Variants in NBEA observed in about 807,000 individuals in gnomAD.
The protein encoded by NBEA is neurobeachin.
In NBEA, 44 loss-of-function variants were observed where a neutral mutation model predicts 343.4. The observed-to-expected ratio is 0.13, with a 90% CI of 0.10 to 0.16. The LOEUF (loss-of-function observed/expected upper bound fraction) is 0.16, where lower values mean the gene tolerates loss of function less well. Ranked by LOEUF, NBEA falls within the 10% of genes least tolerant of loss-of-function variation. The pLI is 1.00. For missense variants in NBEA, 2,555 were observed against 3,631.3 expected (o/e 0.70, Z 7.62); for synonymous variants, 1,175 against 1,238.7 (o/e 0.95, Z 1.08).
chr13:35,190,778 C>G (rs562623135), intron 30 of NBEA, among the ~76,000 whole-genome samples: 2 of 152,192 alleles, frequency 1.3e-5, no homozygotes, highest in Admixed American at 1.3e-4. Context: ...GGGAACAAAG[C>G]AGTTGATATA....
chr13:35,364,535 G>A (rs953250155), intron 38 of NBEA, among the ~76,000 whole-genome samples: 1 of 151,762 alleles, frequency 6.6e-6, no homozygotes, highest in Non-Finnish European at 1.5e-5. Context: ...GTTTTAAAAG[G>A]ATGGGACATT....
chr13:35,427,270 A>T (rs1218748784), intron 38 of NBEA, among the ~76,000 whole-genome samples: 1 of 151,740 alleles, frequency 6.6e-6, no homozygotes, highest in African/African-American at 2.4e-5. Context: ...GGTTTTATCT[A>T]CCTTTGGTCT....
At chr13:35,144,073 G>A (rs1156237781) in intron 18 of NBEA, among the ~76,000 whole-genome samples, 1 of 152,100 alleles carries the variant, frequency 6.6e-6, no homozygotes, top group Admixed American at 6.5e-5. Flanking sequence ...TCAATTATAT[G>A]AAATTCAAAT....
intron 36 of NBEA, among the ~76,000 whole-genome samples, chr13:35,345,790 T>A (rs1435879979): frequency 1.3e-5 from 2 of 151,976 alleles, no homozygotes; most frequent in African/African-American, 2.4e-5. Flanking sequence ...GGATAGGAGA[T>A]CATGATCTGA....
chr13:35,146,500 C>T (rs565855298), intron 18 of NBEA, among the ~76,000 whole-genome samples: 1 of 152,238 alleles, frequency 6.6e-6, no homozygotes, highest in East Asian at 1.9e-4. Context: ...CAGTTATAAC[C>T]ATTATGGCCT....
intron 41 of NBEA, among the ~76,000 whole-genome samples, chr13:35,478,005 T>G (rs1401263950): frequency 6.6e-6 from 1 of 152,176 alleles, no homozygotes; most frequent in African/African-American, 2.4e-5. Flanking sequence ...ATTGTCTACC[T>G]TTAATTTAGA....
rs1232061711 is a variant in NBEA, at chr13:35,315,783, AT to A, written c.5903+6197del. Reference sequence around the variant, plus strand: ...GAGAAGCATATTGCATCCAAGTATAATTTTTTAGTGATTGTATGGCACCAAT... The same window carrying A: ...GAGAAGCATATTGCATCCAAGTATAATTTTTAGTGATTGTATGGCACCAAT... On this transcript the variant is annotated intron_variant, in intron 36 of 58. Transcript: ENST00000379939. Among the ~76,000 whole-genome samples, 5 of 152,184 alleles carry A rather than the reference AT, an allele frequency of 3.3e-5. No individual in the cohort carries two copies. The East Asian group carries it at 9.7e-4, about 29-fold the overall frequency.
At position 35,089,378 on chromosome 13, in the gene NBEA, T is replaced by C. The variant is rs1593307119; in HGVS notation, c.1572-8919T>C. On this transcript the variant is annotated intron_variant, in intron 10 of 58. Transcript: ENST00000379939. ...CAATGAGATACCATCTCACACCAGT[T>C]AGAATGGCAATCATTAAAAAGTCAG... is the stretch of plus-strand genomic sequence containing the variant. Among the ~76,000 whole-genome samples, 4 of 150,110 alleles carry C rather than the reference T, an allele frequency of 2.7e-5. No individual in the cohort carries two copies. The East Asian group carries it at 7.8e-4, about 29-fold the overall frequency.
chr13:35,270,384 G>C (rs1261735390), intron 34 of NBEA, among the ~76,000 whole-genome samples: 4 of 152,212 alleles, frequency 2.6e-5, no homozygotes, highest in African/African-American at 4.8e-5. Flanking sequence ...AGTGGGAAAA[G>C]CTTTGGTCTA....
intron 34 of NBEA, among the ~76,000 whole-genome samples, chr13:35,237,659 G>A (rs1257656224): frequency 1.3e-5 from 2 of 152,142 alleles, no homozygotes; most frequent in African/African-American, 4.8e-5. Context: ...ATGTGTGTGT[G>A]TGGTAGGAAC....
chr13:35,399,174 A>G (rs1406380757), intron 38 of NBEA, among the ~76,000 whole-genome samples: 1 of 152,140 alleles, frequency 6.6e-6, no homozygotes, highest in Non-Finnish European at 1.5e-5. Context: ...GCTCTGGATT[A>G]GGCTTTGGCT....
intron 1 of NBEA, among the ~76,000 whole-genome samples, chr13:34,964,565 G>A (rs1008102732): frequency 1.3e-5 from 2 of 151,826 alleles, no homozygotes; most frequent in South Asian, 4.2e-4. Context: ...ACTTACTAAC[G>A]CACAATTCAA....
chr13:35,264,381 A>G (rs2033481016), intron 34 of NBEA, among the ~76,000 whole-genome samples: 1 of 151,978 alleles, frequency 6.6e-6, no homozygotes, highest in African/African-American at 2.4e-5. Context: ...AGAGGAGGTA[A>G]TATTTCCAAA....
chr13:35,574,531 G>A (rs947209603), intron 45 of NBEA, among the ~76,000 whole-genome samples: 3 of 151,980 alleles, frequency 2.0e-5, no homozygotes, highest in Admixed American at 1.3e-4. Flanking sequence ...AAAGAAATGC[G>A]GTCAGTGAGC....
chr13:35,124,793 CAT>C (rs202058859), intron 17 of NBEA, among the ~76,000 whole-genome samples: 11,112 of 151,182 alleles, frequency 0.074, 900 homozygotes, highest in African/African-American at 0.19. Flanking sequence ...TATATACACA[CAT>C]ATATGGATAT....
At position 35,196,271 on chromosome 13, in the gene NBEA, A is replaced by G. The variant is rs748075146; in HGVS notation, c.5335A>G (p.Ile1779Val). 1 of 1,613,274 alleles carries G rather than the reference A, an allele frequency of 6.2e-7. No individual in the cohort carries two copies. Among genetic ancestry groups the G allele is most frequent in the East Asian group, 2.2e-5 (1 of 44,760 alleles). Residue 1779 changes from isoleucine to valine, a missense_variant, in exon 31 of 59, where the codon ATT becomes GTT. Coordinates refer to ENST00000379939, the MANE Select transcript of NBEA (RefSeq NM_001385012.1). Reference protein sequence around the residue: ...DPALKRETQAILPMQFHSFDR... With the variant: ...DPALKRETQAVLPMQFHSFDR... ...AGCATTGAAGAGAGAAACACAAGCT[A>G]TTCTTCCTATGCAGTTTCATTCCTT...
intron 38 of NBEA, among the ~76,000 whole-genome samples, chr13:35,406,211 T>G (rs1296122308): frequency 6.6e-6 from 1 of 152,138 alleles, no homozygotes; most frequent in African/African-American, 2.4e-5. Flanking sequence ...TTCCTTCATG[T>G]TAATAAAGTG....
intron 52 of NBEA, among the ~76,000 whole-genome samples, chr13:35,651,164 A>G (rs1406935594): frequency 6.6e-6 from 1 of 152,230 alleles, no homozygotes; most frequent in African/African-American, 2.4e-5. Context: ...TATATATTGT[A>G]TAATCACGTG....
Position 34,973,275 on chromosome 13 carries a change from C to G in NBEA, c.294+30161C>G, listed in dbSNP as rs985330583. Among the ~76,000 whole-genome samples, 10 of 152,052 alleles carry G rather than the reference C, an allele frequency of 6.6e-5. No individual in the cohort carries two copies. In the East Asian group the frequency reaches 1.9e-3, roughly 29 times the overall value. ...GCAGGTCTTGCCCAGTCAGGAGGAA[C>G]AGGATTGGAGACCTGCTAAGGAAGC... On this transcript the variant is annotated intron_variant, in intron 1 of 58. Transcript: ENST00000379939.
Sources: gnomAD v4.1 joint callset for allele counts (sites outside exome capture counted in the v4.1 genomes callset) on GRCh38, gnomAD v4.1.1 for gene constraint, MANE v1.5 for transcripts, NCBI Gene and HGNC (gene_info 2026-07-23, HGNC 2026-07-21) for gene names.